The following LNPEP variants were observed in gnomAD, a reference collection of about 807,000 sequenced individuals.
LNPEP encodes leucyl and cystinyl aminopeptidase, also known as leucyl-cystinyl aminopeptidase.
A neutral mutation model predicts 120.6 loss-of-function variants in LNPEP; 64 were observed. The observed-to-expected ratio is 0.53, with a 90% CI of 0.43 to 0.65. The LOEUF (loss-of-function observed/expected upper bound fraction) is 0.65. Ranked by LOEUF, LNPEP falls within the 30% of genes least tolerant of loss-of-function variation. The pLI is 0.00. For missense variants in LNPEP, 1,057 were observed against 1,200.0 expected (o/e 0.88, Z 1.76); for synonymous variants, 435 against 425.4 (o/e 1.02, Z -0.28).
chr5:96,936,705 ACCTCGCTCGGT>A (rs1788896264), intron 1 of LNPEP: 1 of 152,000 alleles, frequency 6.6e-6, no homozygotes, highest in South Asian at 2.1e-4. Flanking sequence ...AGGCTTGCTC[ACCTCGCTCGGT>A]GCCGCGGAGG....
intron 13 of LNPEP, among the ~76,000 whole-genome samples, chr5:97,021,874 G>A (rs1791204767): frequency 6.6e-6 from 1 of 150,484 alleles, no homozygotes; most frequent in African/African-American, 2.4e-5. Flanking sequence ...ATAAATGTTG[G>A]GGAAAAGAGA....
Position 97,030,736 on chromosome 5 carries a change from A to T in LNPEP, c.*2203A>T, listed in dbSNP as rs1791454109. The T allele has an allele frequency of 6.6e-6, 1 of 151,602 alleles. No homozygotes were observed. The highest frequency in any genetic ancestry group is 1.5e-5 in the Non-Finnish European group (1 of 67,970). 9.4% of individuals were successfully genotyped at this position (151,602 alleles called of 1,614,324 possible). A position where few individuals can be genotyped will look rare whatever the true frequency, so the allele number is the denominator to read the frequency against. ...TGGCCTGAAAAAGAGATAACTCATG[A>T]TCCATTGCTATCTTTATTACTCAAA... On this transcript the variant is annotated 3_prime_UTR_variant, in exon 18 of 18. Transcript: ENST00000231368.
intron 9 of LNPEP, among the ~76,000 whole-genome samples, chr5:97,004,726 A>AGTAG (rs1790737683): frequency 6.6e-6 from 1 of 152,084 alleles, no homozygotes; most frequent in African/African-American, 2.4e-5. Flanking sequence ...TCTAGCTGTT[A>AGTAG]GTCTTTTGCC....
chr5:96,969,632 T>C (rs926960508), intron 1 of LNPEP, among the ~76,000 whole-genome samples: 1 of 152,056 alleles, frequency 6.6e-6, no homozygotes, highest in African/African-American at 2.4e-5. Flanking sequence ...GGCCAGTTTC[T>C]AGGAGAATAT....
Position 97,007,710 on chromosome 5 carries a change from A to G in LNPEP, c.2035+1195A>G, listed in dbSNP as rs1275685615. ...TGTATCTTGCCTTTTTTAACTTAAC[A>G]TATATAGTAATTGACTTAACCTACT... On this transcript the variant is annotated intron_variant, in intron 11 of 17. Coordinates refer to ENST00000231368, the MANE Select transcript of LNPEP (RefSeq NM_005575.3). 2.6e-5 allele frequency among the ~76,000 whole-genome samples: 4 copies of G among 152,202 alleles called. No homozygotes were observed. The South Asian group carries it at 8.3e-4, about 31-fold the overall frequency.
intron 7 of LNPEP, among the ~76,000 whole-genome samples, chr5:96,997,212 A>C (rs937074769): frequency 7.2e-5 from 11 of 152,068 alleles, no homozygotes; most frequent in Non-Finnish European, 1.5e-4. Flanking sequence ...TCCAACCCCC[A>C]AATTTTTTGA....
chr5:96,955,953 T>C (rs917923827), intron 1 of LNPEP, among the ~76,000 whole-genome samples: 2 of 152,258 alleles, frequency 1.3e-5, no homozygotes, highest in African/African-American at 4.8e-5. Context: ...AATAATCTTT[T>C]TAATTTTAGC....
At chr5:96,974,491 C>A (rs1429515401) in intron 1 of LNPEP, among the ~76,000 whole-genome samples, 1 of 152,108 alleles carries the variant, frequency 6.6e-6, no homozygotes, top group African/African-American at 2.4e-5. Context: ...TCTTTCTTTA[C>A]TGTTCCTTTC....
chr5:97,012,056 A>G (rs1225261707), intron 11 of LNPEP, among the ~76,000 whole-genome samples: 5 of 152,166 alleles, frequency 3.3e-5, no homozygotes, highest in African/African-American at 1.2e-4. Context: ...TTTATAAAGC[A>G]TTTTATATAA....
intron 11 of LNPEP, among the ~76,000 whole-genome samples, chr5:97,010,042 T>C (rs922398671): frequency 9.9e-5 from 15 of 152,224 alleles, no homozygotes; most frequent in African/African-American, 3.6e-4. Context: ...ATAAGAGTTA[T>C]GTTTGGTCAA....
chr5:97,022,084 T>A (rs1408212469), intron 13 of LNPEP, among the ~76,000 whole-genome samples: 2 of 151,400 alleles, frequency 1.3e-5, no homozygotes, highest in Non-Finnish European at 1.5e-5. Context: ...GGCACGACCA[T>A]CATGCCTGCC....
intron 1 of LNPEP, among the ~76,000 whole-genome samples, chr5:96,939,029 G>T (rs1788990236): frequency 6.6e-6 from 1 of 151,150 alleles, no homozygotes; most frequent in Non-Finnish European, 1.5e-5. Context: ...TTTTTGGTTA[G>T]AGATATTAGA....
intron 8 of LNPEP, among the ~76,000 whole-genome samples, chr5:96,999,766 C>A (rs549896485): frequency 1.3e-5 from 2 of 151,842 alleles, no homozygotes; most frequent in Admixed American, 6.6e-5. Context: ...CAACCCCTGT[C>A]AACATGGTAA....
intron 8 of LNPEP, among the ~76,000 whole-genome samples, chr5:97,001,301 A>G (rs113834690): frequency 1.3e-5 from 2 of 152,352 alleles, no homozygotes; most frequent in African/African-American, 4.8e-5. Flanking sequence ...TGGATTAGAT[A>G]TGAAATACGA....
chr5:97,010,687 C>T (rs1790904715), intron 11 of LNPEP: 1 of 985,110 alleles, frequency 1.0e-6, no homozygotes, highest in Non-Finnish European at 1.2e-6. Context: ...GGGCTTCTGC[C>T]ATTTAATATT....
chr5:97,003,668 G>T, intron 9 of LNPEP, 122 bp downstream of exon 9: 1 of 560,834 alleles, frequency 1.8e-6, no homozygotes, highest in Non-Finnish European at 2.9e-6. Flanking sequence ...TAAGAAAGGG[G>T]GGGATGGAGC....
Position 97,024,681 on chromosome 5 carries a change from T to C in LNPEP, c.2722T>C (p.Trp908Arg). The change falls in exon 15 of 18, where the codon TGG becomes CGG. Residue 908 changes from tryptophan (W) to arginine (R), a missense_variant and splice_region_variant. Trp to Arg is a moderately radical substitution (Grantham distance 101). Coordinates refer to ENST00000231368, the MANE Select transcript of LNPEP (RefSeq NM_005575.3). ...ASSEDVRKLY[W>R]LMKSSLNGDN... ...CTCAGAGGATGTGCGGAAGCTTTAC[T>C]GGTATGAAATCACCGAGGAATATGA... The C allele has an allele frequency of 6.2e-7, 1 of 1,612,454 alleles. No homozygotes were observed. Among genetic ancestry groups the C allele is most frequent in the Non-Finnish European group, 8.5e-7 (1 of 1,179,344 alleles).
At chr5:97,024,432 C>T (rs750781618) in intron 14 of LNPEP, 89 bp from the exon 15 acceptor site, 2 of 1,234,922 alleles carry the variant, frequency 1.6e-6, no homozygotes, top group Non-Finnish European at 2.3e-6. Flanking sequence ...TACCAACCCT[C>T]ACACCAGAAA....
intron 1 of LNPEP, chr5:96,958,775 A>G (rs1789529421): frequency 6.7e-6 from 1 of 150,138 alleles, no homozygotes; most frequent in African/African-American, 2.5e-5. Flanking sequence ...AAGCTACCAA[A>G]GGTAAGTCAT....
Sources: gnomAD v4.1 joint callset for allele counts (sites outside exome capture counted in the v4.1 genomes callset) on GRCh38, gnomAD v4.1.1 for gene constraint, MANE v1.5 for transcripts, NCBI Gene and HGNC (gene_info 2026-07-23, HGNC 2026-07-21) for gene names.